Variants in DGAT2 observed in about 807,000 individuals in gnomAD.
The protein encoded by DGAT2 is acyl-CoA retinol O-fatty-acyltransferase.
Under a neutral mutation model 48.4 loss-of-function variants are expected in DGAT2, and 33 were observed. The ratio of observed to expected loss-of-function variants is 0.68; its 90% CI spans 0.52 to 0.91. The LOEUF is 0.91. Ranked by LOEUF, DGAT2 falls within the 40% of genes least tolerant of loss-of-function variation. DGAT2 has a pLI of 0.00. For missense variants in DGAT2, 446 were observed against 493.7 expected, an observed-to-expected ratio of 0.90 and a Z score of 0.92; for synonymous variants, 191 against 194.1, an observed-to-expected ratio of 0.98 and a Z score of 0.13.
At chr11:75,782,645 G>C (rs1406965679) in intron 1 of DGAT2, among the ~76,000 whole-genome samples, 1 of 152,226 alleles carries the variant, frequency 6.6e-6, no homozygotes, top group African/African-American at 2.4e-5. Context: ...CCCACTTGTA[G>C]GTGAAGGTGA....
chr11:75,778,812 C>T (rs1314663018), intron 1 of DGAT2, among the ~76,000 whole-genome samples: 13 of 132,540 alleles, frequency 9.8e-5, no homozygotes, highest in African/African-American at 2.1e-4. Context: ...CCAGCCTGGG[C>T]GACAGATCGG....
At chr11:75,797,062 G>T in intron 5 of DGAT2, 96 bp from the exon 6 acceptor site, 1 of 1,290,358 alleles carries the variant, frequency 7.7e-7, no homozygotes, top group South Asian at 1.9e-5. Context: ...TGGGGCCCAG[G>T]TCCAGGGTTC....
chr11:75,797,757 C>G (rs1945072374), intron 6 of DGAT2, among the ~76,000 whole-genome samples: 1 of 152,088 alleles, frequency 6.6e-6, no homozygotes, highest in African/African-American at 2.4e-5. Context: ...CAGCCCTGGG[C>G]CAGCCCCTGG....
intron 2 of DGAT2, 142 bp from the exon 3 acceptor site, chr11:75,790,046 A>G (rs1308219749): frequency 4.5e-6 from 3 of 672,988 alleles, no homozygotes; most frequent in African/African-American, 3.6e-5. Flanking sequence ...TCCTGTAGCT[A>G]TTTCTCAGGG....
chr11:75,784,445 G>A (rs1009029550), intron 1 of DGAT2, 173 bp from the exon 2 acceptor site: 1 of 785,210 alleles, frequency 1.3e-6, no homozygotes, highest in Admixed American at 3.0e-5. Context: ...AGACAGCCCA[G>A]AGTTACAAAG....
At chr11:75,777,854 T>C (rs1944817434) in intron 1 of DGAT2, among the ~76,000 whole-genome samples, 1 of 152,194 alleles carries the variant, frequency 6.6e-6, no homozygotes, top group Non-Finnish European at 1.5e-5. Context: ...CTCTATCTCA[T>C]TGCCCCAAAT....
At chr11:75,773,714 T>C (rs752007850) in intron 1 of DGAT2, 1 of 152,196 alleles carries the variant, frequency 6.6e-6, no homozygotes, top group Non-Finnish European at 1.5e-5. Flanking sequence ...GCACCTTCTG[T>C]GTGTCAGCTG....
At chr11:75,772,995 A>C (rs1266225491) in intron 1 of DGAT2, among the ~76,000 whole-genome samples, 1 of 152,222 alleles carries the variant, frequency 6.6e-6, no homozygotes, top group Non-Finnish European at 1.5e-5. Context: ...ATCTCAAAAC[A>C]AAACAAAAAG....
At chr11:75,791,968 T>C (rs1405614679) in intron 4 of DGAT2, among the ~76,000 whole-genome samples, 2 of 152,244 alleles carry the variant, frequency 1.3e-5, no homozygotes, top group Non-Finnish European at 2.9e-5. Flanking sequence ...TGATGAAAAG[T>C]AATCAGTTCT....
intron 7 of DGAT2, among the ~76,000 whole-genome samples, chr11:75,799,768 C>T (rs530116599): frequency 6.6e-6 from 1 of 152,130 alleles, no homozygotes; most frequent in African/African-American, 2.4e-5. Context: ...CGTGCACCAC[C>T]ACACCCAGCT....
intron 2 of DGAT2, among the ~76,000 whole-genome samples, chr11:75,786,028 T>A (rs1401918710): frequency 6.6e-6 from 1 of 152,196 alleles, no homozygotes; most frequent in African/African-American, 2.4e-5. Context: ...AAGAACGGGC[T>A]TTGAGTGGGG....
intron 4 of DGAT2, among the ~76,000 whole-genome samples, chr11:75,791,285 G>C (rs902174487): frequency 6.6e-6 from 1 of 152,186 alleles, no homozygotes; most frequent in Non-Finnish European, 1.5e-5. Context: ...TGTTGCCTGG[G>C]GGCAGTGGCT....
intron 1 of DGAT2, among the ~76,000 whole-genome samples, chr11:75,777,775 G>C (rs1461866784): frequency 2.6e-5 from 4 of 152,194 alleles, no homozygotes; most frequent in Non-Finnish European, 4.4e-5. Context: ...CACAGTCTCT[G>C]TCTACCAGTG....
chr11:75,798,591 GGTA>G (rs3841596), intron 7 of DGAT2, among the ~76,000 whole-genome samples, 162 bp downstream of exon 7: 16,372 of 152,170 alleles, frequency 0.11, 935 homozygotes, highest in East Asian at 0.22. Context: ...GGTCAGGAGG[GGTA>G]GTAGTAGGAG....
chr11:75,778,856 T>C (rs1004672997), intron 1 of DGAT2, among the ~76,000 whole-genome samples: 1 of 138,026 alleles, frequency 7.2e-6, no homozygotes, highest in South Asian at 2.3e-4. Context: ...AAAAAAAAAA[T>C]TTAATGTTCC....
At position 75,787,486 on chromosome 11, in the gene DGAT2, A is replaced by G. The variant is rs142539124; in HGVS notation, c.251-2702A>G. 2.8e-4 allele frequency among the ~76,000 whole-genome samples: 43 copies of G among 152,296 alleles called. No individual in the cohort carries two copies. In the East Asian group the frequency reaches 7.3e-3, roughly 26 times the overall value. ...CGTGGCTTCAGAATTTTGTATCACA[A>G]GTGTCTTTGTAGGCCACCATAATGT... is the stretch of plus-strand genomic sequence containing the variant. On this transcript the variant is annotated intron_variant, in intron 2 of 7. Transcript: ENST00000228027.
At chr11:75,785,085 A>G (rs1470584586) in intron 2 of DGAT2, among the ~76,000 whole-genome samples, 1 of 152,104 alleles carries the variant, frequency 6.6e-6, no homozygotes, top group Non-Finnish European at 1.5e-5. Context: ...CTTTCCCACA[A>G]TGCCACCCTG....
intron 2 of DGAT2, among the ~76,000 whole-genome samples, 186 bp downstream of exon 2, chr11:75,784,932 T>C (rs1409991283): frequency 6.6e-6 from 1 of 152,136 alleles, no homozygotes; most frequent in African/African-American, 2.4e-5. Flanking sequence ...TCAGCATGCA[T>C]GAAGATTCAG....
At chr11:75,790,968 C>T (rs1384099604) in intron 4 of DGAT2, among the ~76,000 whole-genome samples, 3 of 152,260 alleles carry the variant, frequency 2.0e-5, no homozygotes, top group African/African-American at 7.2e-5. Flanking sequence ...AGTCTCAGCT[C>T]TGTCTGGCCC....
Sources: gnomAD v4.1 joint callset for allele counts (sites outside exome capture counted in the v4.1 genomes callset) on GRCh38, gnomAD v4.1.1 for gene constraint, MANE v1.5 for transcripts, NCBI Gene and HGNC (gene_info 2026-07-23, HGNC 2026-07-21) for gene names.